Variants in PDE4D observed in about 807,000 individuals in gnomAD.
PDE4D encodes the protein 3',5'-cyclic-AMP phosphodiesterase 4D.
A neutral mutation model predicts 87.4 loss-of-function variants in PDE4D; 24 were observed. The ratio of observed to expected loss-of-function variants is 0.27; its 90% CI spans 0.20 to 0.39. PDE4D has a LOEUF of 0.39. Among genes scored for constraint, PDE4D ranks in the 10% least tolerant of loss-of-function variants. The probability of loss-of-function intolerance (pLI) is 1.00; values close to 1 mark genes in which losing one functional copy is unlikely to be tolerated. For synonymous variants in PDE4D, 384 were observed against 383.2 expected (o/e 1.00, Z -0.02); for missense variants, 714 against 1,041.0 (o/e 0.69, Z 4.32).
At chr5:59,419,862 T>C (rs921322283) in intron 1 of PDE4D, among the ~76,000 whole-genome samples, 5 of 152,170 alleles carry the variant, frequency 3.3e-5, no homozygotes, top group Non-Finnish European at 5.9e-5. Context: ...ATAGTCACTT[T>C]TACCGTGGAG....
intron 1 of PDE4D, among the ~76,000 whole-genome samples, chr5:59,404,539 G>C (rs1791274264): frequency 6.6e-6 from 1 of 151,910 alleles, no homozygotes; most frequent in Admixed American, 6.6e-5. Flanking sequence ...TGCACCTATA[G>C]TCCCAGCTAC....
At chr5:59,155,272 T>C (rs1780000397) in intron 5 of PDE4D, among the ~76,000 whole-genome samples, 2 of 152,018 alleles carry the variant, frequency 1.3e-5, no homozygotes, top group African/African-American at 2.4e-5. Context: ...AGAGAGACCA[T>C]GAAGAATAGT....
chr5:59,451,733 G>A (rs988827), intron 1 of PDE4D, among the ~76,000 whole-genome samples: 60,698 of 151,948 alleles, frequency 0.4, 15,195 homozygotes, highest in African/African-American at 0.72. Context: ...TACCAACACC[G>A]CTGTCTGTAA....
chr5:59,199,152 C>T (rs1746156575), intron 2 of PDE4D, among the ~76,000 whole-genome samples: 3 of 152,158 alleles, frequency 2.0e-5, no homozygotes, highest in African/African-American at 7.2e-5. Flanking sequence ...ATGTAAGACC[C>T]ACTGCTTTTG....
intron 2 of PDE4D, among the ~76,000 whole-genome samples, chr5:60,125,434 A>G (rs1055917705): frequency 3.9e-5 from 6 of 152,118 alleles, no homozygotes; most frequent in African/African-American, 1.4e-4. Context: ...TCCTGCCTGG[A>G]ATACTGCATT....
intron 2 of PDE4D, among the ~76,000 whole-genome samples, chr5:60,172,716 A>G (rs915640219): frequency 2.0e-5 from 3 of 152,138 alleles, no homozygotes; most frequent in Non-Finnish European, 2.9e-5. Flanking sequence ...CATCTTTGCT[A>G]CAGGGACAAT....
chr5:59,931,770 C>T (rs1755969844), intron 3 of PDE4D, among the ~76,000 whole-genome samples: 1 of 145,610 alleles, frequency 6.9e-6, no homozygotes, highest in Admixed American at 7.1e-5. Context: ...GGTGCAATCT[C>T]AGCTCACTGC....
At chr5:60,301,936 G>A (rs1753937255) in intron 1 of PDE4D, among the ~76,000 whole-genome samples, 1 of 151,856 alleles carries the variant, frequency 6.6e-6, no homozygotes, top group Non-Finnish European at 1.5e-5. Flanking sequence ...ATAATGATGT[G>A]GTTTTTGTCT....
intron 5 of PDE4D, among the ~76,000 whole-genome samples, chr5:59,125,038 A>G (rs990336138): frequency 1.1e-4 from 16 of 152,112 alleles, no homozygotes; most frequent in Admixed American, 7.9e-4. Context: ...TGAAGAACGA[A>G]GCAAGTTCAG....
chr5:60,162,481 T>C (rs1782544870), intron 2 of PDE4D, among the ~76,000 whole-genome samples: 2 of 152,118 alleles, frequency 1.3e-5, no homozygotes, highest in Non-Finnish European at 2.9e-5. Context: ...TTTGAGTTGT[T>C]TGGAGGTTTT....
intron 1 of PDE4D, among the ~76,000 whole-genome samples, chr5:60,263,510 C>G (rs958136832): frequency 6.6e-6 from 1 of 152,180 alleles, no homozygotes; most frequent in African/African-American, 2.4e-5. Flanking sequence ...GCAGTTAAAA[C>G]TAGCTCTACA....
chr5:59,849,510 C>T (rs1379921705), intron 1 of PDE4D, among the ~76,000 whole-genome samples: 1 of 151,864 alleles, frequency 6.6e-6, no homozygotes, highest in African/African-American at 2.4e-5. Flanking sequence ...ATATGAGTGT[C>T]CCCTGTGAGC....
chr5:59,071,562 G>T (rs1580646738), intron 5 of PDE4D, among the ~76,000 whole-genome samples: 2 of 135,710 alleles, frequency 1.5e-5, no homozygotes, highest in East Asian at 2.5e-4. Flanking sequence ...TTTTTCCATA[G>T]CATCTGCTTT....
At chr5:59,837,106 C>A (rs961374536) in intron 1 of PDE4D, among the ~76,000 whole-genome samples, 1 of 152,038 alleles carries the variant, frequency 6.6e-6, no homozygotes, top group African/African-American at 2.4e-5. Context: ...TCATTCAAGG[C>A]TTCCTTCACC....
At chr5:59,666,691 G>C (rs1746130028) in intron 1 of PDE4D, among the ~76,000 whole-genome samples, 2 of 152,192 alleles carry the variant, frequency 1.3e-5, no homozygotes, top group South Asian at 4.1e-4. Flanking sequence ...ATTTTAAAAA[G>C]AGTAAGCAAC....
At chr5:59,481,025 C>A (rs1804157589) in intron 1 of PDE4D, among the ~76,000 whole-genome samples, 1 of 152,126 alleles carries the variant, frequency 6.6e-6, no homozygotes, top group Non-Finnish European at 1.5e-5. Context: ...CTCTTTGTCT[C>A]TATTTGCAGT....
chr5:59,625,267 C>T (rs1476656311), intron 1 of PDE4D, among the ~76,000 whole-genome samples: 3 of 152,130 alleles, frequency 2.0e-5, no homozygotes, highest in Admixed American at 6.6e-5. Flanking sequence ...CCAAGAGTGG[C>T]CTCTAGAAGG....
intron 1 of PDE4D, among the ~76,000 whole-genome samples, chr5:59,286,588 G>T (rs889691641): frequency 6.6e-6 from 1 of 152,134 alleles, no homozygotes; most frequent in Non-Finnish European, 1.5e-5. Flanking sequence ...ATCATTAAAA[G>T]TTAGTCACTG....
chr5:59,427,095 A>T (rs17795596), intron 1 of PDE4D, among the ~76,000 whole-genome samples: 12,092 of 148,582 alleles, frequency 0.081, 516 homozygotes, highest in Middle Eastern at 0.1. Context: ...GAAGTGAATT[A>T]TTTCAGGTTC....
Sources: gnomAD v4.1 joint callset for allele counts (sites outside exome capture counted in the v4.1 genomes callset) on GRCh38, gnomAD v4.1.1 for gene constraint, MANE v1.5 for transcripts, NCBI Gene and HGNC (gene_info 2026-07-23, HGNC 2026-07-21) for gene names.